The following KCNQ5 variants were observed in gnomAD, a reference collection of about 807,000 sequenced individuals.
KCNQ5 encodes potassium voltage-gated channel subfamily KQT member 5.
In KCNQ5, 30 loss-of-function variants were observed where a neutral mutation model predicts 98.2. That is an observed-to-expected ratio of 0.31 (90% CI 0.23 to 0.41). KCNQ5 has a LOEUF of 0.41. Ranked by LOEUF, KCNQ5 falls within the 10% of genes least tolerant of loss-of-function variation. The probability of loss-of-function intolerance (pLI) is 1.00; values close to 1 mark genes in which losing one functional copy is unlikely to be tolerated. For missense variants in KCNQ5, 835 were observed against 1,182.5 expected (o/e 0.71, Z 4.31); for synonymous variants, 458 against 449.4 (o/e 1.02, Z -0.24).
intron 1 of KCNQ5, among the ~76,000 whole-genome samples, chr6:72,959,812 AC>A (rs1164187987): frequency 6.6e-6 from 1 of 152,226 alleles, no homozygotes; most frequent in Admixed American, 6.5e-5. Context: ...GAGATTCACG[AC>A]ACAATTCAAA....
chr6:72,973,714 T>G (rs146959794), intron 1 of KCNQ5, among the ~76,000 whole-genome samples: 24 of 152,338 alleles, frequency 1.6e-4, no homozygotes, highest in African/African-American at 5.3e-4. Context: ...GATCAACTGA[T>G]GCTCATTTTA....
Position 73,158,610 on chromosome 6 carries a change from CT to C in KCNQ5, c.1469-11134del, listed in dbSNP as rs1777482217. Among the ~76,000 whole-genome samples, 6 of 152,064 alleles carry C rather than the reference CT, an allele frequency of 3.9e-5. No individual in the cohort carries two copies. In the South Asian group the frequency reaches 1.2e-3, roughly 32 times the overall value. On this transcript the variant is annotated intron_variant, in intron 10 of 13. Coordinates refer to ENST00000370398, the MANE Select transcript of KCNQ5 (RefSeq NM_019842.4). ...ATTCTGTTTTCCTATTTTTCAAATA[CT>C]TCATATCAAAAAGTATACATTATTT...
At position 73,086,785 on chromosome 6, in the gene KCNQ5, G is replaced by A. The variant is rs187217803; in HGVS notation, c.918+8898G>A. Among the ~76,000 whole-genome samples the A allele has an allele frequency of 3.9e-5, 6 of 152,302 alleles. No individual in the cohort carries two copies. In the East Asian group the frequency reaches 1.2e-3, roughly 29 times the overall value. On this transcript the variant is annotated intron_variant, in intron 5 of 13. Transcript: ENST00000370398. ...TAATGTTATTACGAAACAAGGAGCT[G>A]TAATATAGAGTAATCAGAGTCTCTA...
At chr6:72,900,181 A>G (rs902988667) in intron 1 of KCNQ5, among the ~76,000 whole-genome samples, 2 of 151,966 alleles carry the variant, frequency 1.3e-5, no homozygotes, top group Non-Finnish European at 2.9e-5. Context: ...CTTTGCTCCC[A>G]CATATCAGTG....
At chr6:72,746,723 G>A (rs1771425752) in intron 1 of KCNQ5, among the ~76,000 whole-genome samples, 1 of 151,996 alleles carries the variant, frequency 6.6e-6, no homozygotes, top group Non-Finnish European at 1.5e-5. Context: ...ACAGGAATAA[G>A]GAAAAAAGTT....
chr6:72,846,495 G>C (rs1403843534), intron 1 of KCNQ5, among the ~76,000 whole-genome samples: 2 of 150,088 alleles, frequency 1.3e-5, no homozygotes, highest in African/African-American at 5.0e-5. Flanking sequence ...GAAACATAGT[G>C]AGACCTCATC....
intron 10 of KCNQ5, among the ~76,000 whole-genome samples, chr6:73,161,241 T>C (rs1243244933): frequency 6.6e-6 from 1 of 152,188 alleles, no homozygotes; most frequent in African/African-American, 2.4e-5. Flanking sequence ...CTCATTCATA[T>C]GTGGGACCGA....
At position 72,957,550 on chromosome 6, in the gene KCNQ5, G is replaced by A. The variant is rs150907583; in HGVS notation, c.399-46358G>A. 3.3e-5 allele frequency among the ~76,000 whole-genome samples: 5 copies of A among 152,244 alleles called. 1 individual carries two copies. In the East Asian group the frequency reaches 9.7e-4, roughly 29 times the overall value. On this transcript the variant is annotated intron_variant, in intron 1 of 13. Transcript: ENST00000370398. ...TTACTTTCATCTTTGGAGCAAGCCT[G>A]AACATGATCATTTTTAAAATACGCC...
chr6:72,994,536 CA>C (rs1769191961), intron 1 of KCNQ5, among the ~76,000 whole-genome samples: 1 of 145,122 alleles, frequency 6.9e-6, no homozygotes, highest in Non-Finnish European at 1.5e-5. Context: ...GGTGCGCACA[CA>C]CACTGGCCTG....
chr6:73,182,515 G>A (rs1022603292), intron 11 of KCNQ5, among the ~76,000 whole-genome samples: 8 of 152,034 alleles, frequency 5.3e-5, no homozygotes, highest in Non-Finnish European at 1.5e-5. Context: ...CTACTCCTCT[G>A]GTCTCCCCTC....
intron 2 of KCNQ5, among the ~76,000 whole-genome samples, chr6:73,031,121 C>A (rs534315792): frequency 6.6e-6 from 1 of 152,200 alleles, no homozygotes; most frequent in East Asian, 1.9e-4. Context: ...CTTTCCCCCA[C>A]AGCTTGTCTT....
At chr6:72,639,349 G>A (rs1301070312) in intron 1 of KCNQ5, among the ~76,000 whole-genome samples, 1 of 152,220 alleles carries the variant, frequency 6.6e-6, no homozygotes, top group East Asian at 1.9e-4. Flanking sequence ...AAGGCGAGGG[G>A]CCAGAACCTA....
Position 73,133,535 on chromosome 6 carries a change from C to T in KCNQ5, c.1362C>T (p.Ala454=), listed in dbSNP as rs371275220. 1.4e-5 allele frequency: 22 copies of T among 1,614,068 alleles called. No individual in the cohort carries two copies. The highest frequency in any genetic ancestry group is 2.7e-5 in the African/African-American group (2 of 74,914). The change falls in exon 10 of 14, where the codon GCC becomes GCT. Residue 454 remains alanine, a synonymous_variant. Transcript: ENST00000370398. ...GGTCCCCAAGCACCGACATCACAGC[C>T]GAGGGCAGTCCCACCAAAGTGCAGA... ...DRRSPSTDIT[A]EGSPTKVQKS... is the part of the protein sequence containing the mutation.
chr6:72,828,643 C>A (rs1257550886), intron 1 of KCNQ5, among the ~76,000 whole-genome samples: 1 of 151,956 alleles, frequency 6.6e-6, no homozygotes, highest in Non-Finnish European at 1.5e-5. Context: ...TTTTTCTTTA[C>A]ATAAGGTCAC....
At chr6:72,750,648 T>C (rs1771630780) in intron 1 of KCNQ5, among the ~76,000 whole-genome samples, 2 of 152,052 alleles carry the variant, frequency 1.3e-5, no homozygotes, top group African/African-American at 4.8e-5. Context: ...TCATTCTATA[T>C]GATCAAATAT....
chr6:72,977,962 G>A (rs1195487868), intron 1 of KCNQ5, among the ~76,000 whole-genome samples: 1 of 152,138 alleles, frequency 6.6e-6, no homozygotes, highest in Non-Finnish European at 1.5e-5. Context: ...GAATTGATTA[G>A]TACCTGTACC....
In KCNQ5 at chr6:73,021,676, G is replaced by A. The variant is rs367823324; in HGVS notation, c.489+17678G>A. Among the ~76,000 whole-genome samples, 4 of 152,236 alleles carry A rather than the reference G, an allele frequency of 2.6e-5. No homozygotes were observed. The East Asian group carries it at 5.8e-4, about 22-fold the overall frequency. On this transcript the variant is annotated intron_variant, in intron 2 of 13. Transcript: ENST00000370398. ...GAGTAGATTCAGGTTTTTCTCTCCT[G>A]TACTAATAGCAAGCTTTTTAATAAA...
At chr6:72,841,333 G>A (rs2150133448) in intron 1 of KCNQ5, among the ~76,000 whole-genome samples, 1 of 152,138 alleles carries the variant, frequency 6.6e-6, no homozygotes, top group Non-Finnish European at 1.5e-5. Context: ...ACACCTTCTT[G>A]AACTGCATGC....
intron 1 of KCNQ5, among the ~76,000 whole-genome samples, chr6:72,847,788 A>G (rs1319762107): frequency 1.3e-5 from 2 of 152,214 alleles, no homozygotes; most frequent in Admixed American, 6.5e-5. Flanking sequence ...AAGCAGACTA[A>G]GACATAGAGG....
Sources: allele counts gnomAD v4.1 joint callset (sites outside exome capture counted in the v4.1 genomes callset), GRCh38; gene constraint gnomAD v4.1.1; transcripts MANE v1.5; gene names NCBI Gene and HGNC (gene_info 2026-07-23, HGNC 2026-07-21).